The following FRMPD4 variants were observed in gnomAD, a reference collection of about 807,000 sequenced individuals.
The protein encoded by FRMPD4 is FERM and PDZ domain-containing protein 4.
Under a neutral mutation model 94.1 loss-of-function variants are expected in FRMPD4, and 22 were observed. The observed-to-expected ratio is 0.23, with a 90% confidence interval of 0.17 to 0.33. The LOEUF is 0.33. Among genes scored for constraint, FRMPD4 ranks in the 10% least tolerant of loss-of-function variants. The pLI is 1.00. For synonymous variants in FRMPD4, 631 were observed against 548.6 expected, an observed-to-expected ratio of 1.15 and a Z score of -2.10; for missense variants, 1,111 against 1,339.9, an observed-to-expected ratio of 0.83 and a Z score of 2.67.
chrX:12,331,839 TTATA>T (rs2055404838), intron 1 of FRMPD4, among the ~76,000 whole-genome samples: 1 of 50,713 alleles, frequency 2.0e-5, no homozygotes, highest in East Asian at 8.6e-4. Context: ...TTATATATAT[TTATA>T]TACTATATAT....
chrX:12,039,437 TA>T (rs1483571978), intron 3 of FRMPD4, among the ~76,000 whole-genome samples: 3 of 110,677 alleles, frequency 2.7e-5, no homozygotes, highest in Non-Finnish European at 5.7e-5. Flanking sequence ...AATTTTAATA[TA>T]CCTGATTTTG....
chrX:11,947,721 G>A (rs753139316), intron 3 of FRMPD4, among the ~76,000 whole-genome samples: 1 of 111,338 alleles, frequency 9.0e-6, no homozygotes, highest in Non-Finnish European at 1.9e-5. Context: ...AACACGTAAG[G>A]CTCTTAGCAT....
intron 1 of FRMPD4, among the ~76,000 whole-genome samples, chrX:12,453,056 C>A (rs1365665485): frequency 1.8e-5 from 2 of 112,158 alleles, no homozygotes; most frequent in African/African-American, 6.5e-5. Context: ...AAATAAAAAA[C>A]CACCTATTTG....
intron 2 of FRMPD4, among the ~76,000 whole-genome samples, chrX:12,578,348 G>T (rs1029654095): frequency 8.9e-6 from 1 of 112,054 alleles, no homozygotes; most frequent in African/African-American, 3.2e-5. Context: ...TCTAGGATGT[G>T]CCTTGGTGAC....
intron 3 of FRMPD4, among the ~76,000 whole-genome samples, chrX:11,976,195 T>C (rs1169052142): frequency 8.9e-6 from 1 of 111,804 alleles, no homozygotes; most frequent in Non-Finnish European, 1.9e-5. Flanking sequence ...TGGGTTCTTC[T>C]CAAGCTATTT....
intron 3 of FRMPD4, among the ~76,000 whole-genome samples, chrX:11,985,844 T>A (rs12559495): frequency 8.9e-6 from 1 of 112,230 alleles, no homozygotes; most frequent in Admixed American, 9.4e-5. Flanking sequence ...AAGGACTGTG[T>A]CCTGTGGTTC....
At chrX:11,919,343 C>G (rs2054043081) in intron 3 of FRMPD4, among the ~76,000 whole-genome samples, 1 of 112,354 alleles carries the variant, frequency 8.9e-6, no homozygotes. Flanking sequence ...ATCTAAAGAA[C>G]AAATAAGAGG....
At chrX:12,603,260 G>T (rs2059100955) in intron 2 of FRMPD4, among the ~76,000 whole-genome samples, 1 of 112,118 alleles carries the variant, frequency 8.9e-6, no homozygotes, top group Non-Finnish European at 1.9e-5. Context: ...CGCACCAAAG[G>T]TAACGGCTTC....
chrX:12,044,920 C>T (rs2054777390), intron 3 of FRMPD4, among the ~76,000 whole-genome samples: 2 of 111,925 alleles, frequency 1.8e-5, no homozygotes, highest in Non-Finnish European at 3.8e-5. Context: ...ATAGCAAATA[C>T]AGACATCATT....
rs1258221869 is a variant in FRMPD4, at chrX:12,314,035, C to G, written c.41+175023C>G. ...ATCAGTAAGTGATGTTAAAACTGTT[C>G]TAGGTTTCAAATTTGGTGAATATTT... On this transcript the variant is annotated intron_variant, in intron 1 of 16. Coordinates refer to ENST00000675598, the MANE Select transcript of FRMPD4 (RefSeq NM_001368397.1). Among the ~76,000 whole-genome samples the G allele has an allele frequency of 2.7e-5, 3 of 112,257 alleles. No homozygotes were observed. In the East Asian group the frequency reaches 8.3e-4, roughly 31 times the overall value.
intron 3 of FRMPD4, among the ~76,000 whole-genome samples, chrX:12,084,285 GCTT>G (rs2055088833): frequency 9.1e-6 from 1 of 109,668 alleles, no homozygotes; most frequent in African/African-American, 3.3e-5. Flanking sequence ...TTCCGCTTTT[GCTT>G]CTTCCTAATT....
intron 3 of FRMPD4, among the ~76,000 whole-genome samples, chrX:11,967,756 G>GTGTGTGTGTTTTTTTTTTTTTT (rs36019385): frequency 4.6e-5 from 3 of 65,567 alleles, no homozygotes; most frequent in Admixed American, 2.1e-4. Context: ...GTGTGTGTGT[G>GTGTGTGTGTTTTTTTTTTTTTT]TTTTTTTTTT....
At position 12,332,062 on chromosome X, in the gene FRMPD4, TATATA is replaced by T. The variant is rs1436951126; in HGVS notation, c.42-166615_42-166611del. Among the ~76,000 whole-genome samples, 87 of 74,350 alleles carry T rather than the reference TATATA, an allele frequency of 1.2e-3. 13 individuals are homozygous for T. Among genetic ancestry groups the T allele is most frequent in the African/African-American group, 4.9e-3 (84 of 17,224 alleles). 64.6% of individuals were successfully genotyped at this position (74,350 alleles called of 115,157 possible). On this transcript the variant is annotated intron_variant, in intron 1 of 16. Transcript: ENST00000675598. ...TATACTATATATAAATTATATGTAA[TATATA>T]ATTTATATTATATATAATTTATATT...
chrX:12,506,625 T>A (rs1198639915), intron 2 of FRMPD4, among the ~76,000 whole-genome samples: 1 of 112,826 alleles, frequency 8.9e-6, no homozygotes, highest in East Asian at 2.7e-4. Flanking sequence ...ATGAAAATTT[T>A]AAATTATTAG....
intron 3 of FRMPD4, among the ~76,000 whole-genome samples, chrX:12,110,134 T>C (rs1397693976): frequency 1.8e-5 from 2 of 112,165 alleles, no homozygotes; most frequent in African/African-American, 3.2e-5. Context: ...AATTTTAGAC[T>C]GATATCCCTG....
intron 1 of FRMPD4, among the ~76,000 whole-genome samples, chrX:12,373,999 C>G (rs2056198270): frequency 8.9e-6 from 1 of 111,887 alleles, no homozygotes; most frequent in Non-Finnish European, 1.9e-5. Context: ...AGAAAACTTC[C>G]ATCCTAACTC....
chrX:12,224,547 A>G (rs1470726075), intron 1 of FRMPD4, among the ~76,000 whole-genome samples: 3 of 111,931 alleles, frequency 2.7e-5, no homozygotes, highest in Admixed American at 9.5e-5. Flanking sequence ...ATTTCAGGTA[A>G]AGCATTTTCT....
intron 4 of FRMPD4, among the ~76,000 whole-genome samples, chrX:12,634,004 TAGAC>T (rs1243934909): frequency 8.9e-6 from 1 of 112,587 alleles, no homozygotes; most frequent in Non-Finnish European, 1.9e-5. Context: ...ATCTTGTCAT[TAGAC>T]AGAAACAATT....
At chrX:12,650,458 A>G (rs1020268352) in intron 4 of FRMPD4, among the ~76,000 whole-genome samples, 14 of 109,921 alleles carry the variant, frequency 1.3e-4, no homozygotes, top group Admixed American at 1.1e-3. Context: ...CACTTGTCAA[A>G]TATCTGTTTA....
Sources: gnomAD v4.1 joint callset for allele counts (sites outside exome capture counted in the v4.1 genomes callset) on GRCh38, gnomAD v4.1.1 for gene constraint, MANE v1.5 for transcripts, NCBI Gene and HGNC (gene_info 2026-07-23, HGNC 2026-07-21) for gene names.